The following MAST2 variants were observed in gnomAD, a reference collection of about 807,000 sequenced individuals.
MAST2 encodes microtubule-associated serine/threonine-protein kinase 2.
MAST2 carries 70 observed loss-of-function variants against 147.4 expected under a neutral mutation model. That is an observed-to-expected ratio of 0.47 (90% confidence interval 0.39 to 0.58). The LOEUF is 0.58. MAST2 is among the 20% of genes least tolerant of loss of function. MAST2 has a pLI of 0.00. For missense variants in MAST2, 2,080 were observed against 2,302.3 expected, an observed-to-expected ratio of 0.90 and a Z score of 1.98; for synonymous variants, 869 against 896.8, an observed-to-expected ratio of 0.97 and a Z score of 0.55.
intron 3 of MAST2, among the ~76,000 whole-genome samples, chr1:45,844,009 T>C (rs1398400503): frequency 6.6e-6 from 1 of 152,222 alleles, no homozygotes; most frequent in Non-Finnish European, 1.5e-5. Context: ...TGTGTTAATT[T>C]GTAAAGAATT....
chr1:45,896,157 A>G (rs1285643075), intron 4 of MAST2, among the ~76,000 whole-genome samples: 1 of 151,524 alleles, frequency 6.6e-6, no homozygotes, highest in Non-Finnish European at 1.5e-5. Flanking sequence ...CCTCCCGAGT[A>G]GCTGGGACTA....
intron 5 of MAST2, among the ~76,000 whole-genome samples, chr1:45,993,711 A>G (rs928019534): frequency 6.6e-6 from 1 of 152,008 alleles, no homozygotes; most frequent in African/African-American, 2.4e-5. Flanking sequence ...TGCTGGTACA[A>G]TGACTTCTGA....
chr1:45,807,334 C>T (rs753932732), intron 1 of MAST2, among the ~76,000 whole-genome samples: 8 of 152,000 alleles, frequency 5.3e-5, no homozygotes, highest in African/African-American at 1.9e-4. Flanking sequence ...CTTTATTGTG[C>T]TCTATTTAGC....
At chr1:45,992,144 C>T (rs1173723349) in intron 5 of MAST2, among the ~76,000 whole-genome samples, 1 of 151,994 alleles carries the variant, frequency 6.6e-6, no homozygotes, top group Non-Finnish European at 1.5e-5. Context: ...CGGATTCTCC[C>T]CATGAAGTAT....
chr1:45,875,785 C>T (rs779414336), intron 3 of MAST2, among the ~76,000 whole-genome samples: 10 of 151,780 alleles, frequency 6.6e-5, no homozygotes, highest in Non-Finnish European at 1.2e-4. Context: ...AGAGAAGGAG[C>T]GAGACTGAGT....
chr1:45,865,170 T>G (rs1177483983), intron 3 of MAST2: 1 of 455,404 alleles, frequency 2.2e-6, no homozygotes, highest in African/African-American at 2.0e-5. Flanking sequence ...TTCACTGATC[T>G]CCTTCCTTTT....
At chr1:45,821,511 T>G (rs2148689763) in intron 1 of MAST2, among the ~76,000 whole-genome samples, 1 of 139,602 alleles carries the variant, frequency 7.2e-6, no homozygotes, top group East Asian at 2.2e-4. Flanking sequence ...GTATGTTATT[T>G]CTTCTTTTTT....
At chr1:45,930,151 C>A (rs916527560) in intron 4 of MAST2, among the ~76,000 whole-genome samples, 2 of 151,896 alleles carry the variant, frequency 1.3e-5, no homozygotes, top group African/African-American at 4.8e-5. Context: ...GCGATCTCAG[C>A]TCACTGCATC....
At chr1:45,895,273 G>A (rs1038340015) in intron 4 of MAST2, among the ~76,000 whole-genome samples, 5 of 152,122 alleles carry the variant, frequency 3.3e-5, no homozygotes, top group African/African-American at 1.2e-4. Flanking sequence ...TGGATATTAT[G>A]AATAAAGCTG....
chr1:45,890,602 T>A (rs1647595127), intron 4 of MAST2, among the ~76,000 whole-genome samples: 2 of 152,204 alleles, frequency 1.3e-5, no homozygotes, highest in South Asian at 4.1e-4. Flanking sequence ...CATTTAACCT[T>A]AATTACTTCC....
chr1:45,994,539 G>A (rs562309976), intron 5 of MAST2, among the ~76,000 whole-genome samples: 6 of 151,850 alleles, frequency 4.0e-5, no homozygotes, highest in South Asian at 2.1e-4. Context: ...TGCCTGCCTC[G>A]GCCTCCCAAA....
chr1:45,855,532 G>T (rs553368514), intron 3 of MAST2, among the ~76,000 whole-genome samples: 3 of 151,874 alleles, frequency 2.0e-5, no homozygotes, highest in Non-Finnish European at 4.4e-5. Context: ...GTCCCTCAGC[G>T]CTGGTAATTT....
intron 1 of MAST2, among the ~76,000 whole-genome samples, chr1:45,821,054 C>T (rs1186391797): frequency 6.6e-6 from 1 of 151,650 alleles, no homozygotes; most frequent in Non-Finnish European, 1.5e-5. Flanking sequence ...TACATGTCAC[C>T]ATGCCCAGCT....
intron 5 of MAST2, among the ~76,000 whole-genome samples, chr1:45,992,985 C>T (rs1208610194): frequency 1.3e-5 from 2 of 151,826 alleles, no homozygotes; most frequent in Non-Finnish European, 2.9e-5. Context: ...TTAACATATC[C>T]CTCATATCAA....
chr1:45,902,883 T>TCTAC (rs1455834656), intron 4 of MAST2, among the ~76,000 whole-genome samples: 3 of 152,108 alleles, frequency 2.0e-5, no homozygotes, highest in Non-Finnish European at 2.9e-5. Context: ...TCTTGGTTAA[T>TCTAC]CTACCTAGCA....
intron 4 of MAST2, among the ~76,000 whole-genome samples, chr1:45,945,956 C>G (rs922411759): frequency 3.9e-5 from 6 of 152,192 alleles, no homozygotes; most frequent in Non-Finnish European, 2.9e-5. Flanking sequence ...GTACTCCATT[C>G]AGAGAAAAAA....
At chr1:45,877,980 G>C (rs1646677612) in intron 3 of MAST2, among the ~76,000 whole-genome samples, 1 of 152,118 alleles carries the variant, frequency 6.6e-6, no homozygotes, top group African/African-American at 2.4e-5. Flanking sequence ...AAGGCGGGTG[G>C]ATCACCTGAG....
At chr1:45,923,372 C>A (rs556111647) in intron 4 of MAST2, among the ~76,000 whole-genome samples, 21 of 152,172 alleles carry the variant, frequency 1.4e-4, no homozygotes, top group Non-Finnish European at 2.8e-4. Context: ...CTGCCACTGC[C>A]ATCACTGTAA....
At chr1:45,855,710 C>G (rs1645766788) in intron 3 of MAST2, among the ~76,000 whole-genome samples, 1 of 151,906 alleles carries the variant, frequency 6.6e-6, no homozygotes, top group African/African-American at 2.4e-5. Flanking sequence ...ATCTTGTATC[C>G]GGTGAGTTTG....
Sources: allele counts gnomAD v4.1 joint callset (sites outside exome capture counted in the v4.1 genomes callset), GRCh38; gene constraint gnomAD v4.1.1; transcripts MANE v1.5; gene names NCBI Gene and HGNC (gene_info 2026-07-23, HGNC 2026-07-21).